The following CASP9 variants were observed in gnomAD, a reference collection of about 807,000 sequenced individuals.
CASP9 encodes the protein caspase-9.
A neutral mutation model predicts 43.5 loss-of-function variants in CASP9; 29 were observed. The observed-to-expected ratio is 0.67, with a 90% CI of 0.50 to 0.91. The LOEUF (loss-of-function observed/expected upper bound fraction) is 0.91, where lower values mean the gene tolerates loss of function less well. CASP9 is among the 40% of genes least tolerant of loss of function. CASP9 has a pLI of 0.00. For missense variants in CASP9, 575 were observed against 537.4 expected (o/e 1.07, Z -0.69); for synonymous variants, 206 against 211.9 (o/e 0.97, Z 0.24).
intron 6 of CASP9, among the ~76,000 whole-genome samples, chr1:15,503,918 CT>C (rs912721182): frequency 6.6e-6 from 1 of 152,158 alleles, no homozygotes; most frequent in Non-Finnish European, 1.5e-5. Flanking sequence ...TCTCTTCCCT[CT>C]TTTTTTATAA....
intron 7 of CASP9, among the ~76,000 whole-genome samples, chr1:15,494,246 C>A (rs184956726): frequency 6.6e-6 from 1 of 152,236 alleles, no homozygotes; most frequent in East Asian, 1.9e-4. Flanking sequence ...TTGGAAAAGT[C>A]AAGTGACTCA....
At position 15,515,643 on chromosome 1, in the gene CASP9, T is replaced by A. The variant is rs183489781; in HGVS notation, c.418+2467A>T. On this transcript the variant is annotated intron_variant, in intron 2 of 8. Transcript: ENST00000333868. ...AACAATATGAATGAGTTTTGGTGAATTTTTGTTGAAAGAAAACAGCACTTT... is the reference window on the plus strand; with the variant it reads ...AACAATATGAATGAGTTTTGGTGAAATTTTGTTGAAAGAAAACAGCACTTT... Among the ~76,000 whole-genome samples, 72 of 152,356 alleles carry A rather than the reference T, an allele frequency of 4.7e-4. 2 individuals carry two copies. The highest frequency in any genetic ancestry group is 1.6e-3 in the African/African-American group (67 of 41,590).
In CASP9 at chr1:15,518,499, C is replaced by T. The variant is rs186416478; in HGVS notation, c.133-104G>A. On this transcript the variant is annotated intron_variant, in intron 1 of 8. Coordinates refer to ENST00000333868, the MANE Select transcript of CASP9 (RefSeq NM_001229.5). ...TACTGTAAGTCTAAACAATCAGGCA[C>T]GTGGGCAGCAATGGAGCTGCAGGTG... is the stretch of plus-strand genomic sequence containing the variant. The T allele has an allele frequency of 1.2e-3, 1,446 of 1,246,256 alleles. 5 individuals carry two copies. The highest frequency in any genetic ancestry group is 2.4e-3 in the East Asian group (101 of 41,330). The allele number at this position is 1,246,256 out of a possible 1,614,324, so 77.2% of individuals were successfully genotyped here.
intron 4 of CASP9, 64 bp downstream of exon 4, chr1:15,506,835 C>T: frequency 7.0e-7 from 1 of 1,434,016 alleles, no homozygotes; most frequent in Non-Finnish European, 9.7e-7. Context: ...TTTGGAGTCC[C>T]TCAAAAGATA....
rs1336063689 is a variant in CASP9 at position 15,516,496 on chromosome 1, GAC to G, written c.418+1612_418+1613del. Among the ~76,000 whole-genome samples the G allele has an allele frequency of 9.5e-3, 1,283 of 135,476 alleles. 19 individuals carry two copies. Among genetic ancestry groups the G allele is most frequent in the African/African-American group, 0.031 (1,169 of 37,494 alleles). 88.9% of individuals were successfully genotyped at this position (135,476 alleles called of 152,430 possible). ...TTGCCTCAATTAAAAAAAAAAAAAA[GAC>G]ACAATTTTTCAATTTCTTTTTTCTT... On this transcript the variant is annotated intron_variant, in intron 2 of 8. Transcript: ENST00000333868.
intron 6 of CASP9, among the ~76,000 whole-genome samples, chr1:15,503,661 G>C (rs752291676): frequency 6.6e-6 from 1 of 152,222 alleles, no homozygotes; most frequent in Non-Finnish European, 1.5e-5. Context: ...ATAGGGATGG[G>C]GCAGTTGGAT....
In CASP9 at chr1:15,524,143, G is replaced by A. The variant is rs1344822692; in HGVS notation, c.58C>T (p.Leu20=). ...GCGTCCCAGAGCTGGTCCACCTGCA[G>A]CTCTTCCACCAGCCGCAGCCGGCAC... ...RRCRLRLVEE[L]QVDQLWDALL... Residue 20 remains leucine, a synonymous_variant, in exon 1 of 9, where the codon CTG becomes TTG. Coordinates refer to ENST00000333868, the MANE Select transcript of CASP9 (RefSeq NM_001229.5). 1.9e-6 allele frequency: 3 copies of A among 1,540,504 alleles called. No homozygotes were observed. Among genetic ancestry groups the A allele is most frequent in the Non-Finnish European group, 1.7e-6 (2 of 1,147,396 alleles).
At chr1:15,524,599 G>GCCCCCGCGTTACCGTCC, upstream of CASP9, 1 of 830,734 alleles carries the variant, frequency 1.2e-6, no homozygotes. Context: ...TCACCGCCCC[G>GCCCCCGCGTTACCGTCC]CCCCCGCGTT....
chr1:15,524,139 T>A lies in CASP9; in HGVS notation c.62A>T (p.Gln21Leu). The A allele has an allele frequency of 6.5e-7, 1 of 1,540,844 alleles. No individual in the cohort carries two copies. Among genetic ancestry groups the A allele is most frequent in the Non-Finnish European group, 8.7e-7 (1 of 1,147,600 alleles). The change falls in exon 1 of 9, where the codon CAG (glutamine) becomes CTG (leucine). Residue 21 changes from glutamine (Q) to leucine (L), a missense_variant. Coordinates refer to ENST00000333868, the MANE Select transcript of CASP9 (RefSeq NM_001229.5). ...RCRLRLVEEL[Q>L]VDQLWDALLS... ...CAGGGCGTCCCAGAGCTGGTCCACC[T>A]GCAGCTCTTCCACCAGCCGCAGCCG...
intron 6 of CASP9, among the ~76,000 whole-genome samples, chr1:15,500,715 G>A (rs1709293497): frequency 6.6e-6 from 1 of 152,184 alleles, no homozygotes; most frequent in Non-Finnish European, 1.5e-5. Flanking sequence ...GTCTGGGAAT[G>A]ACGTGAAACA....
chr1:15,496,012 T>TC (rs1409702489), intron 6 of CASP9, among the ~76,000 whole-genome samples: 7 of 152,180 alleles, frequency 4.6e-5, no homozygotes, highest in Non-Finnish European at 7.3e-5. Context: ...TCCTGCCCTT[T>TC]CCCCTTTAAA....
intron 2 of CASP9, among the ~76,000 whole-genome samples, chr1:15,509,200 T>C (rs1008764181): frequency 6.6e-6 from 1 of 152,128 alleles, no homozygotes; most frequent in Non-Finnish European, 1.5e-5. Context: ...CCTATTATAC[T>C]TCCACTCTGA....
intron 2 of CASP9, among the ~76,000 whole-genome samples, chr1:15,515,198 C>G (rs1388067098): frequency 6.6e-6 from 1 of 152,136 alleles, no homozygotes; most frequent in Non-Finnish European, 1.5e-5. Flanking sequence ...TTCCCAGAAC[C>G]AAATAACAAC....
At chr1:15,494,945 C>T (rs972208786) in intron 7 of CASP9, among the ~76,000 whole-genome samples, 10 of 151,238 alleles carry the variant, frequency 6.6e-5, no homozygotes, top group African/African-American at 1.5e-4. Flanking sequence ...TGCTCAGTGA[C>T]GTGCCAGCCA....
chr1:15,493,442 AC>A, intron 8 of CASP9: 1 of 1,251,916 alleles, frequency 8.0e-7, no homozygotes, highest in Admixed American at 3.7e-5. Context: ...CTATCAGGCC[AC>A]CCTTCCCTAT....
chr1:15,503,411 T>C (rs1709403227), intron 6 of CASP9, among the ~76,000 whole-genome samples: 1 of 152,136 alleles, frequency 6.6e-6, no homozygotes, highest in South Asian at 2.1e-4. Flanking sequence ...CCATCCAGGG[T>C]TAATCAAGTG....
chr1:15,493,802 T>C (rs1307028932), intron 8 of CASP9, 90 bp downstream of exon 8: 1 of 1,531,254 alleles, frequency 6.5e-7, no homozygotes, highest in African/African-American at 1.5e-5. Flanking sequence ...GGTTTGGGCC[T>C]GCCCTGCTCA....
intron 2 of CASP9, among the ~76,000 whole-genome samples, chr1:15,514,303 C>A (rs2103366304): frequency 6.6e-6 from 1 of 152,320 alleles, no homozygotes; most frequent in Non-Finnish European, 1.5e-5. Context: ...CCTACAGCAT[C>A]CTTTCCTGTA....
rs1557559529 is a variant in CASP9, at chr1:15,524,184, C to G, written c.17G>C (p.Arg6Pro). The G allele has an allele frequency of 2.6e-6, 4 of 1,546,244 alleles. No homozygotes were observed. Among genetic ancestry groups the G allele is most frequent in the African/African-American group, 1.4e-5 (1 of 73,314 alleles). Reference protein sequence around the residue: MDEADRRLLRRCRLRL... With the variant: MDEADPRLLRRCRLRL... ...CAGCCGGCACCGCCGCAGGAGCCGC[C>G]GATCCGCTTCGTCCATGGCGAGTAG... The change falls in exon 1 of 9, where the codon CGG (arginine) becomes CCG (proline). Residue 6 changes from arginine to proline, a missense_variant. Physicochemically the swap from Arg to Pro is moderately radical, Grantham distance 103. Transcript: ENST00000333868.
Sources: gnomAD v4.1 joint callset for allele counts (sites outside exome capture counted in the v4.1 genomes callset) on GRCh38, gnomAD v4.1.1 for gene constraint, MANE v1.5 for transcripts, NCBI Gene and HGNC (gene_info 2026-07-23, HGNC 2026-07-21) for gene names.